The following CASKIN1 variants were observed in gnomAD, a reference collection of about 807,000 sequenced individuals.
The protein encoded by CASKIN1 is CASK interacting protein 1, also known as caskin-1.
Under a neutral mutation model 117.5 loss-of-function variants are expected in CASKIN1, and 42 were observed. That is an observed-to-expected ratio of 0.36 (90% CI 0.28 to 0.46). The LOEUF (loss-of-function observed/expected upper bound fraction) is 0.46. CASKIN1 is among the 20% of genes least tolerant of loss of function. The probability of loss-of-function intolerance (pLI) is 1.00; values close to 1 mark genes in which losing one functional copy is unlikely to be tolerated. For missense variants in CASKIN1, 2,083 were observed against 2,077.3 expected (o/e 1.00, Z -0.05); for synonymous variants, 1,148 against 961.7 (o/e 1.19, Z -3.59).
Position 2,180,972 on chromosome 16 carries a change from G to C in CASKIN1, c.2396C>G (p.Pro799Arg). The C allele has an allele frequency of 6.8e-7, 1 of 1,468,170 alleles. No homozygotes were observed. The highest frequency in any genetic ancestry group is 9.0e-7 in the Non-Finnish European group (1 of 1,115,032). 90.9% of individuals were successfully genotyped at this position (1,468,170 alleles called of 1,614,324 possible). The change falls in exon 18 of 20, where the codon CCA becomes CGA. Residue 799 changes from proline (P) to arginine (R), a missense_variant. By Grantham distance (103) the Pro-to-Arg change is moderately radical (BLOSUM62 -2). Transcript: ENST00000343516. ...GGTGGGCTTCACCTTGGCCGTAGCT[G>C]GGGCTGGACCATGAGGTCCCCCAAG... ...QALGGPHGPA[P>R]ATAKVKPTPQ... is the part of the protein sequence containing the mutation.
chr16:2,179,865 G>A lies in CASKIN1; in HGVS notation c.3503C>T (p.Ser1168Phe), dbSNP rs1393601866. The A allele has an allele frequency of 2.5e-6, 4 of 1,606,434 alleles. No individual in the cohort carries two copies. The highest frequency in any genetic ancestry group is 1.7e-4 in the Middle Eastern group (1 of 6,050). Residue 1168 changes from serine (S) to phenylalanine (F), a missense_variant, in exon 18 of 20, where the codon TCC becomes TTC. Transcript: ENST00000343516. This position sits in a 1 kb window ranked among gnomAD's most constrained non-coding sequence, Gnocchi z 5.8. Reference protein sequence around the residue: ...EAGPEPPPPLSVYHNGTGTVR... With the variant: ...EAGPEPPPPLFVYHNGTGTVR... ...GGTGCCAGTGCCATTATGGTACACG[G>A]ACAGTGGCGGTGGTGGCTCAGGCCC...
chr16:2,181,513 G>A lies in CASKIN1; in HGVS notation c.1855C>T (p.Arg619Cys), dbSNP rs376676749. The change falls in exon 18 of 20, where the codon CGC becomes TGC. Residue 619 changes from arginine to cysteine, a missense_variant. Arg to Cys is a radical substitution (Grantham distance 180, BLOSUM62 -3). This residue lies in a region of CASKIN1 where 1,818 missense variants were observed against 1,688.9 expected (regional missense o/e 1.08). Coordinates refer to ENST00000343516, the MANE Select transcript of CASKIN1 (RefSeq NM_020764.4). ...EYAKYEGGPL[R>C]RKAPQSLEVM... Reference sequence around the variant, plus strand: ...TCAAGAGACTGGGGCGCCTTCCGGCGCAGGGGGCCCCCCTCATACTTGGCG... The same window carrying A: ...TCAAGAGACTGGGGCGCCTTCCGGCACAGGGGGCCCCCCTCATACTTGGCG... 3.4e-5 allele frequency: 54 copies of A among 1,608,248 alleles called. No homozygotes were observed. The highest frequency in any genetic ancestry group is 1.2e-4 in the African/African-American group (9 of 74,860).
At position 2,178,540 on chromosome 16, in the gene CASKIN1, C is replaced by G; in HGVS notation, c.*10G>C. 4 of 1,571,764 alleles carry G rather than the reference C, an allele frequency of 2.5e-6. No homozygotes were observed. The highest frequency in any genetic ancestry group is 1.4e-5 in the African/African-American group (1 of 71,912). ...CCCGGGCGGCGCGGGAGGGCCCGGC[C>G]AGGCGGCGTTCACTCCAGCATGGCA... On this transcript the variant is annotated 3_prime_UTR_variant, in exon 20 of 20. Transcript: ENST00000343516.
At chr16:2,181,748 C>CT in intron 17 of CASKIN1, 43 bp downstream of exon 17, 2 of 1,595,062 alleles carry the variant, frequency 1.3e-6, no homozygotes, top group Non-Finnish European at 1.7e-6. Flanking sequence ...GGGGCTTGGG[C>CT]TGAGGGTTGG....
In CASKIN1 at chr16:2,189,018, C is replaced by T. The variant is rs567192901; in HGVS notation, c.617+9G>A. ...CTAAGGCTGAGGCCCTCCCTGCTAC[C>T]GGCTCTACCTGATGATGTCGATGTG... On this transcript the variant is annotated intron_variant, in intron 6 of 19. Coordinates refer to ENST00000343516, the MANE Select transcript of CASKIN1 (RefSeq NM_020764.4). 7.5e-6 allele frequency: 12 copies of T among 1,607,068 alleles called. No individual in the cohort carries two copies. The highest frequency in any genetic ancestry group is 4.5e-5 in the East Asian group (2 of 44,770).
chr16:2,183,514 A>G (rs1365065730), intron 16 of CASKIN1, 132 bp downstream of exon 16: 5 of 825,782 alleles, frequency 6.1e-6, no homozygotes, highest in Non-Finnish European at 9.4e-6. Flanking sequence ...CCCTGCTAGC[A>G]GGGCATCCTC....
Position 2,179,356 on chromosome 16 carries a change from G to A in CASKIN1, c.3776-31C>T, listed in dbSNP as rs1567257269. The stretch of plus-strand genomic sequence containing the variant: ...GGGAGGACCACGCTGGCACCGAGCG[G>A]GCACGAGTTCCGCCGCCGCGCCCCC... On this transcript the variant is annotated intron_variant, in intron 18 of 19. Transcript: ENST00000343516. The surrounding 1 kb of genome is among the most constrained non-coding windows in gnomAD (Gnocchi z 5.8). 1 of 1,325,742 alleles carries A rather than the reference G, an allele frequency of 7.5e-7. No individual in the cohort carries two copies. Among genetic ancestry groups the A allele is most frequent in the South Asian group, 2.3e-5 (1 of 44,300 alleles). The allele number at this position is 1,325,742 out of a possible 1,614,324, so 82.1% of individuals were successfully genotyped here. A position where few individuals can be genotyped will look rare whatever the true frequency, so the allele number is the denominator to read the frequency against.
rs2093198200 is a variant in CASKIN1, at chr16:2,190,354, G to C, written c.99C>G (p.Leu33=). Residue 33 remains leucine (L), a synonymous_variant, in exon 2 of 20, where the codon CTC becomes CTG. Transcript: ENST00000343516. ...CATTGATCTTCTTGGTGGAACCCAG[G>C]AGCTCTGGGGATGGAAGGAGACTCA... ...LQRPRPGKAK[L]LGSTKKINVN... 2 of 1,570,950 alleles carry C rather than the reference G, an allele frequency of 1.3e-6. No individual in the cohort carries two copies. Among genetic ancestry groups the C allele is most frequent in the Non-Finnish European group, 1.7e-6 (2 of 1,157,536 alleles).
chr16:2,182,407 C>T lies in CASKIN1; in HGVS notation c.1630-478G>A, dbSNP rs1261059682. Reference sequence around the variant, plus strand: ...ACAGGGCCACACACATGCCACACAGCCACAACACACACACGTGCCAACACC... The same window carrying T: ...ACAGGGCCACACACATGCCACACAGTCACAACACACACACGTGCCAACACC... On this transcript the variant is annotated intron_variant, in intron 16 of 19. Coordinates refer to ENST00000343516, the MANE Select transcript of CASKIN1 (RefSeq NM_020764.4). The surrounding 1 kb of genome is among the most constrained non-coding windows in gnomAD (Gnocchi z 4.1). Among the ~76,000 whole-genome samples, 1 of 152,126 alleles carries T rather than the reference C, an allele frequency of 6.6e-6. No individual in the cohort carries two copies. The highest frequency in any genetic ancestry group is 1.5e-5 in the Non-Finnish European group (1 of 68,022).
In CASKIN1 at chr16:2,182,822, G is replaced by A. The variant is rs967942676; in HGVS notation, c.1629+824C>T. ...TTTGCTTTGTTTGAGACGGAGCCTC[G>A]CTCTGTCGCCCAGGCTGGAGTGCAG... On this transcript the variant is annotated intron_variant, in intron 16 of 19. Coordinates refer to ENST00000343516, the MANE Select transcript of CASKIN1 (RefSeq NM_020764.4). This position sits in a 1 kb window ranked among gnomAD's most constrained non-coding sequence, Gnocchi z 4.1. Among the ~76,000 whole-genome samples the A allele has an allele frequency of 7.2e-5, 11 of 152,338 alleles. No individual in the cohort carries two copies. In the East Asian group the frequency reaches 2.1e-3, roughly 29 times the overall value.
At position 2,191,239 on chromosome 16, in the gene CASKIN1, G is replaced by A. The variant is rs78615818; in HGVS notation, c.95-881C>T. On this transcript the variant is annotated intron_variant, in intron 1 of 19. Coordinates refer to ENST00000343516, the MANE Select transcript of CASKIN1 (RefSeq NM_020764.4). ...TGTCCAGGCCCAGGACAGGGTGGGGGCAGGAGCTGAGGGCAGGGGAGTTGA... is the reference window on the plus strand; with the variant it reads ...TGTCCAGGCCCAGGACAGGGTGGGGACAGGAGCTGAGGGCAGGGGAGTTGA... Among the ~76,000 whole-genome samples the A allele has an allele frequency of 4.3e-4, 65 of 152,320 alleles. No homozygotes were observed. The East Asian group carries it at 0.011, about 26-fold the overall frequency.
In CASKIN1 at chr16:2,181,932, A is replaced by G; in HGVS notation, c.1630-3T>C. 1 of 1,613,368 alleles carries G rather than the reference A, an allele frequency of 6.2e-7. No homozygotes were observed. Among genetic ancestry groups the G allele is most frequent in the Non-Finnish European group, 8.5e-7 (1 of 1,179,856 alleles). On this transcript the variant is annotated splice_polypyrimidine_tract_variant and splice_region_variant and intron_variant, in intron 16 of 19. Transcript: ENST00000343516. ...GACAGCCACACGGCCAGGTTAGCCT[A>G]CAGAGCAGACACACAGAGGAGCCAC... is the stretch of plus-strand genomic sequence containing the variant.
chr16:2,183,578 G>GC, intron 16 of CASKIN1, 68 bp downstream of exon 16: 1 of 1,484,216 alleles, frequency 6.7e-7, no homozygotes, highest in South Asian at 1.2e-5. Flanking sequence ...GGCCAGGGAG[G>GC]CAGGTTCTCT....
rs755291470 is a variant in CASKIN1 at position 2,189,074 on chromosome 16, G to A, written c.570C>T (p.Thr190=). 20 of 1,613,720 alleles carry A rather than the reference G, an allele frequency of 1.2e-5. No homozygotes were observed. The highest frequency in any genetic ancestry group is 1.1e-5 in the Non-Finnish European group (13 of 1,179,846). ...RPGDATDPNG[T]SPLHLAAKNG... is the part of the protein sequence containing the mutation. ...TTTTAGCTGCGAGGTGCAAAGGGCT[G>A]GTGCCGTTGGGGTCGGTGGCGTCTC... The change falls in exon 6 of 20, where the codon ACC becomes ACT. Residue 190 remains threonine, a synonymous_variant. Coordinates refer to ENST00000343516, the MANE Select transcript of CASKIN1 (RefSeq NM_020764.4).
At chr16:2,190,580 G>C (rs2093198925) in intron 1 of CASKIN1, among the ~76,000 whole-genome samples, 2 of 152,218 alleles carry the variant, frequency 1.3e-5, no homozygotes, top group African/African-American at 4.8e-5. Context: ...ATTGCCCTGA[G>C]ATGTGGGGGT....
chr16:2,196,428 C>T lies in CASKIN1; in HGVS notation c.5G>A (p.Gly2Glu). MGKEQELVQAVK... is the reference protein window; with the variant it reads MEKEQELVQAVK... ...CGCCTGCACCAGCTCCTGCTCCTTCCCCATGGCGCGGCCGGGGCCGCAGCG... is the reference window on the plus strand; with the variant it reads ...CGCCTGCACCAGCTCCTGCTCCTTCTCCATGGCGCGGCCGGGGCCGCAGCG... Residue 2 changes from glycine (G) to glutamate (E), a missense_variant, in exon 1 of 20, where the codon GGG becomes GAG. Around this residue, in one of 3 missense-constraint regions of CASKIN1, gnomAD observed 62 missense variants for 49.7 expected, o/e 1.25. Coordinates refer to ENST00000343516, the MANE Select transcript of CASKIN1 (RefSeq NM_020764.4). This position sits in a 1 kb window ranked among gnomAD's most constrained non-coding sequence, Gnocchi z 5.7. The T allele has an allele frequency of 7.7e-7, 1 of 1,300,114 alleles. No homozygotes were observed. Among genetic ancestry groups the T allele is most frequent in the Admixed American group, 2.7e-5 (1 of 37,412 alleles). 80.5% of individuals were successfully genotyped at this position (1,300,114 alleles called of 1,614,324 possible). A position where few individuals can be genotyped will look rare whatever the true frequency, so the allele number is the denominator to read the frequency against.
intron 11 of CASKIN1, 49 bp downstream of exon 11, chr16:2,185,258 G>T (rs771671598): frequency 1.3e-6 from 2 of 1,599,594 alleles, no homozygotes; most frequent in East Asian, 2.2e-5. Flanking sequence ...CCCCACGGTG[G>T]TGCCTTGTGG....
rs1253724854 is a variant in CASKIN1, at chr16:2,190,256, T to C, written c.146+51A>G. On this transcript the variant is annotated intron_variant, in intron 2 of 19. Transcript: ENST00000343516. ...TGCCCTCCCCCGGCACCTAGGCCTC[T>C]CTAGGAGCCACCCTCCCTTCCAGGC... 2.5e-6 allele frequency: 4 copies of C among 1,583,154 alleles called. No homozygotes were observed. The South Asian group carries it at 4.5e-5, about 18-fold the overall frequency.
chr16:2,180,740 G>A lies in CASKIN1; in HGVS notation c.2628C>T (p.Pro876=). Residue 876 remains proline (P), a synonymous_variant, in exon 18 of 20, where the codon CCC becomes CCT. Transcript: ENST00000343516. ...GATTCAGGCTGTGGGCCCGCTTCTT[G>A]GGCCGCCCCGGCTCCGCGTCGGCCT... The part of the protein sequence containing the change: ...PPEADAEPGR[P]KKRAHSLNRY... The A allele has an allele frequency of 2.1e-6, 3 of 1,442,492 alleles. No homozygotes were observed. In the South Asian group the frequency reaches 4.3e-5, roughly 21 times the overall value. 89.4% of individuals were successfully genotyped at this position (1,442,492 alleles called of 1,614,324 possible).
Sources: gnomAD v4.1 joint callset for allele counts (sites outside exome capture counted in the v4.1 genomes callset) on GRCh38, gnomAD v4.1.1 for gene constraint, gnomAD v4.1.1 regional missense constraint, Gnocchi (gnomAD v3.1) non-coding constraint, MANE v1.5 for transcripts, NCBI Gene and HGNC (gene_info 2026-07-23, HGNC 2026-07-21) for gene names.